Variants in CSMD2 observed in about 807,000 individuals in gnomAD.
CSMD2 encodes CUB and sushi domain-containing protein 2.
In CSMD2, 130 loss-of-function variants were observed where a neutral mutation model predicts 398.5. That is an observed-to-expected ratio of 0.33 (90% CI 0.28 to 0.38). The LOEUF (loss-of-function observed/expected upper bound fraction) is 0.38. Ranked by LOEUF, CSMD2 falls within the 10% of genes least tolerant of loss-of-function variation. The probability of loss-of-function intolerance (pLI) is 1.00; values close to 1 mark genes in which losing one functional copy is unlikely to be tolerated. For missense variants in CSMD2, 3,829 were observed against 4,764.9 expected (o/e 0.80, Z 5.78); for synonymous variants, 1,828 against 1,908.5 (o/e 0.96, Z 1.10).
rs764138292 is a variant in CSMD2, at chr1:33,572,493, C to A, written c.7762+13G>T. ...CCCTTCCTTACACCCGCCTCCATTG[C>A]CCGAGGACTCACGGACACACTGTGG... On this transcript the variant is annotated intron_variant, in intron 50 of 70. Transcript: ENST00000373381. The A allele has an allele frequency of 1.3e-6, 2 of 1,571,732 alleles. No homozygotes were observed. Among genetic ancestry groups the A allele is most frequent in the South Asian group, 1.2e-5 (1 of 86,438 alleles).
intron 5 of CSMD2, among the ~76,000 whole-genome samples, chr1:33,914,569 TAAAATACTAGGG>T (rs1486458163): frequency 6.6e-6 from 1 of 152,162 alleles, no homozygotes; most frequent in Non-Finnish European, 1.5e-5. Flanking sequence ...GGAGTAAGTC[TAAAATACTAGGG>T]AATAGCTCAA....
At chr1:33,573,048 G>A (rs1225874112) in intron 49 of CSMD2, among the ~76,000 whole-genome samples, 1 of 21,752 alleles carries the variant, frequency 4.6e-5, no homozygotes, top group East Asian at 1.3e-3. Context: ...TTCCACTGAG[G>A]GGGGATCTCT....
intron 5 of CSMD2, chr1:33,871,046 T>C (rs1398781501): frequency 6.6e-6 from 1 of 152,214 alleles, no homozygotes; most frequent in Non-Finnish European, 1.5e-5. Flanking sequence ...CCCTTTGAGA[T>C]GCCTGCAGCC....
At chr1:33,525,718 A>C (rs2148538364) in intron 65 of CSMD2, among the ~76,000 whole-genome samples, 1 of 152,248 alleles carries the variant, frequency 6.6e-6, no homozygotes, top group African/African-American at 2.4e-5. Context: ...GAGTTTTGCT[A>C]TTGTTGCCCA....
intron 1 of CSMD2, among the ~76,000 whole-genome samples, chr1:34,098,667 A>T (rs1424487694): frequency 1.3e-5 from 2 of 152,026 alleles, no homozygotes; most frequent in East Asian, 1.9e-4. Flanking sequence ...ATATTAAAAA[A>T]AATTGAGAAA....
chr1:33,783,431 T>TTCTCTCTCTCTCTCTCTCTCTCTCTCTC (rs55769634), intron 12 of CSMD2, among the ~76,000 whole-genome samples: 5 of 135,148 alleles, frequency 3.7e-5, no homozygotes, highest in African/African-American at 1.5e-4. Flanking sequence ...CATTCTCTCA[T>TTCTCTCTCTCTCTCTCTCTCTCTCTCTC]TCTCTCTCTC....
At chr1:34,153,053 G>C (rs1206813821) in intron 1 of CSMD2, among the ~76,000 whole-genome samples, 1 of 152,142 alleles carries the variant, frequency 6.6e-6, no homozygotes, top group East Asian at 1.9e-4. Context: ...CTCTCGCTCT[G>C]TCACCCCAGG....
intron 22 of CSMD2, among the ~76,000 whole-genome samples, chr1:33,704,890 G>A (rs1645723676): frequency 6.6e-6 from 1 of 151,334 alleles, no homozygotes; most frequent in African/African-American, 2.4e-5. Flanking sequence ...AGCTTCCCAA[G>A]TAGCTGGGAC....
chr1:34,013,447 C>G (rs548805898), intron 3 of CSMD2, among the ~76,000 whole-genome samples: 1 of 152,182 alleles, frequency 6.6e-6, no homozygotes, highest in African/African-American at 2.4e-5. Context: ...GACCCCAAAT[C>G]CCTCCACTCA....
intron 5 of CSMD2, among the ~76,000 whole-genome samples, chr1:33,905,594 G>T (rs1643038843): frequency 6.6e-6 from 1 of 152,232 alleles, no homozygotes; most frequent in Non-Finnish European, 1.5e-5. Flanking sequence ...TTCCGTGGTA[G>T]CTGAGTGGGA....
At chr1:33,679,816 C>T (rs531248338) in intron 25 of CSMD2, among the ~76,000 whole-genome samples, 1 of 152,188 alleles carries the variant, frequency 6.6e-6, no homozygotes, top group Non-Finnish European at 1.5e-5. Flanking sequence ...CATTAGGTTA[C>T]TTAGTGCAGA....
At chr1:33,789,146 C>T (rs1245853655) in intron 11 of CSMD2, among the ~76,000 whole-genome samples, 1 of 152,200 alleles carries the variant, frequency 6.6e-6, no homozygotes, top group Non-Finnish European at 1.5e-5. Flanking sequence ...TTTCCCCTCA[C>T]AGAAACCCAT....
At chr1:33,984,915 C>T (rs1345972295) in intron 3 of CSMD2, among the ~76,000 whole-genome samples, 3 of 151,962 alleles carry the variant, frequency 2.0e-5, no homozygotes, top group Non-Finnish European at 4.4e-5. Flanking sequence ...TCACACAGAA[C>T]CCCAGAACCC....
At position 33,778,966 on chromosome 1, in the gene CSMD2, C is replaced by T. The variant is rs550615131; in HGVS notation, c.1664-6215G>A. ...ACCCAGAACCCTCTGCTATCCACCC[C>T]GTCTCTCCCTGCCTGAGTTCAGCCC... On this transcript the variant is annotated intron_variant, in intron 12 of 70. Transcript: ENST00000373381. 2.2e-4 allele frequency among the ~76,000 whole-genome samples: 33 copies of T among 152,270 alleles called. No homozygotes were observed. In the East Asian group the frequency reaches 5.6e-3, roughly 26 times the overall value.
At chr1:33,948,053 C>T (rs555290297) in intron 3 of CSMD2, among the ~76,000 whole-genome samples, 2 of 152,302 alleles carry the variant, frequency 1.3e-5, no homozygotes, top group African/African-American at 2.4e-5. Flanking sequence ...ATCTTGCTGG[C>T]TACAGAGTCT....
chr1:33,540,691 C>T lies in CSMD2; in HGVS notation c.9465G>A (p.Met3155Ile), dbSNP rs772256179. The T allele has an allele frequency of 1.9e-6, 3 of 1,614,026 alleles. No homozygotes were observed. The African/African-American group carries it at 4.0e-5, about 22-fold the overall frequency. Residue 3155 changes from methionine (M) to isoleucine (I), a missense_variant, in exon 60 of 71, where the codon ATG becomes ATA. By Grantham distance (10) the Met-to-Ile change is conservative (BLOSUM62 1). Coordinates refer to ENST00000373381, the MANE Select transcript of CSMD2 (RefSeq NM_001281956.2). ...TGGGGATGAGCGGAGGTGGCTTGCA[C>T]ATGAGAGCTGGAGGGAGACCAAAGC... is the stretch of plus-strand genomic sequence containing the variant. ...NGTKPVCKAL[M>I]CKPPPLIPNG...
At chr1:33,943,605 C>A in intron 3 of CSMD2, among the ~76,000 whole-genome samples, 1 of 151,940 alleles carries the variant, frequency 6.6e-6, no homozygotes. Flanking sequence ...TTTTTTGGAC[C>A]CCATCTAAGG....
At chr1:34,005,958 C>T (rs7514746) in intron 3 of CSMD2, among the ~76,000 whole-genome samples, 6,720 of 152,286 alleles carry the variant, frequency 0.044, 217 homozygotes, top group East Asian at 0.15. Context: ...TCATCCACCC[C>T]CATGCAGACA....
At chr1:33,932,263 T>A (rs1644336574) in intron 4 of CSMD2, among the ~76,000 whole-genome samples, 1 of 152,024 alleles carries the variant, frequency 6.6e-6, no homozygotes, top group African/African-American at 2.4e-5. Context: ...AGAATGGGGT[T>A]GGAGGTGGGG....
Sources: allele counts gnomAD v4.1 joint callset (sites outside exome capture counted in the v4.1 genomes callset), GRCh38; gene constraint gnomAD v4.1.1; transcripts MANE v1.5; gene names NCBI Gene and HGNC (gene_info 2026-07-23, HGNC 2026-07-21).